The following CYREN variants were observed in gnomAD, a reference collection of about 807,000 sequenced individuals.
The protein encoded by CYREN is cell cycle regulator of non-homologous end joining.
Under a neutral mutation model 9.7 loss-of-function variants are expected in CYREN, and 7 were observed. The observed-to-expected ratio is 0.72, with a 90% CI of 0.41 to 1.36. The LOEUF is 1.36. Ranked by LOEUF, CYREN falls within the 40% of genes most tolerant of loss-of-function variation. The probability of loss-of-function intolerance (pLI) is 0.01; values close to 1 mark genes in which losing one functional copy is unlikely to be tolerated. For missense variants in CYREN, 215 were observed against 198.1 expected (o/e 1.09, Z -0.51); for synonymous variants, 76 against 77.9 (o/e 0.98, Z 0.13).
At chr7:135,116,794 T>C (rs1383976050) in intron 2 of CYREN, among the ~76,000 whole-genome samples, 2 of 152,138 alleles carry the variant, frequency 1.3e-5, no homozygotes, top group Non-Finnish European at 2.9e-5. Flanking sequence ...TTGGCTGGAG[T>C]ACAGTGGTTA....
chr7:135,162,417 G>A (rs1036120928), downstream of CYREN, among the ~76,000 whole-genome samples: 5 of 152,198 alleles, frequency 3.3e-5, no homozygotes, highest in African/African-American at 1.2e-4. Context: ...GGTGAATGCT[G>A]TTGTATTAGT....
chr7:135,161,766 G>A (rs554668984), downstream of CYREN, among the ~76,000 whole-genome samples: 35 of 152,066 alleles, frequency 2.3e-4, no homozygotes, highest in Non-Finnish European at 4.3e-4. The surrounding 1 kb of genome is among the most constrained non-coding windows in gnomAD (Gnocchi z 4.1). Flanking sequence ...TGGCCCTCTG[G>A]GACCTCCAGA....
chr7:135,106,074 G>A (rs982455008), intron 2 of CYREN, among the ~76,000 whole-genome samples: 7 of 152,082 alleles, frequency 4.6e-5, no homozygotes, highest in African/African-American at 1.7e-4. Context: ...AGTGATTTTT[G>A]TACATTGATT....
At chr7:135,169,732 G>A (rs1241499476) in intron 1 of CYREN, among the ~76,000 whole-genome samples, 1 of 152,128 alleles carries the variant, frequency 6.6e-6, no homozygotes, top group Admixed American at 6.5e-5. Flanking sequence ...CCAGAGAGAT[G>A]GAGTTGTGAC....
downstream of CYREN, chr7:135,164,700 G>A (rs201066731): frequency 1.1e-5 from 18 of 1,614,230 alleles, no homozygotes; most frequent in South Asian, 6.6e-5. Context: ...CAGGCTTGGC[G>A]TGTACGGGTC....
chr7:135,135,380 T>C (rs903593444), intron 2 of CYREN: 1 of 844,544 alleles, frequency 1.2e-6, no homozygotes, highest in East Asian at 2.9e-5. Context: ...TACACATGCA[T>C]ATGCATAAAC....
chr7:135,147,688 C>G lies in CYREN; in HGVS notation n.356+21061G>C, dbSNP rs758545151. On this transcript the variant is annotated intron_variant and non_coding_transcript_variant, in intron 2 of 2. Transcript: ENST00000459937. Reference sequence around the variant, plus strand: ...AGGGGTTGGGGGACAGACGGCATAGCTGCTTCCCAAGGAAATGAGTAGGAG... The same window carrying G: ...AGGGGTTGGGGGACAGACGGCATAGGTGCTTCCCAAGGAAATGAGTAGGAG... 5.2e-5 allele frequency: 23 copies of G among 440,718 alleles called. 1 individual carries two copies. The highest frequency in any genetic ancestry group is 1.0e-4 in the Non-Finnish European group (23 of 219,466). The allele number at this position is 440,718 out of a possible 1,614,324, so 27.3% of individuals were successfully genotyped here.
chr7:135,107,108 T>C (rs1824842122), intron 2 of CYREN, among the ~76,000 whole-genome samples: 1 of 152,068 alleles, frequency 6.6e-6, no homozygotes, highest in Non-Finnish European at 1.5e-5. Context: ...CTTTTCTTCT[T>C]TATTAGTCTA....
chr7:135,166,883 G>C lies in CYREN; in HGVS notation c.214-12C>G. Reference sequence around the variant, plus strand: ...TCCTGTTTGCGGCTCTGTGGAGTACGGGAAAACGCAGGCTCAACATACGTG... The same window carrying C: ...TCCTGTTTGCGGCTCTGTGGAGTACCGGAAAACGCAGGCTCAACATACGTG... On this transcript the variant is annotated splice_polypyrimidine_tract_variant and intron_variant, in intron 3 of 3. Transcript: ENST00000393114. 1 of 1,609,072 alleles carries C rather than the reference G, an allele frequency of 6.2e-7. No homozygotes were observed. Among genetic ancestry groups the C allele is most frequent in the Non-Finnish European group, 8.5e-7 (1 of 1,176,282 alleles).
chr7:135,148,389 T>C, intron 2 of CYREN: 2 of 316,478 alleles, frequency 6.3e-6, no homozygotes, highest in South Asian at 5.3e-5. Flanking sequence ...AACTCACTGG[T>C]TGTTCAGTAT....
rs1050291388 is a variant in CYREN, at chr7:135,165,825, G to A, written c.*786C>T. The A allele has an allele frequency of 6.0e-6, 1 of 167,216 alleles. No homozygotes were observed. The highest frequency in any genetic ancestry group is 3.4e-3 in the Middle Eastern group (1 of 296). 10.4% of individuals were successfully genotyped at this position (167,216 alleles called of 1,614,324 possible). On this transcript the variant is annotated 3_prime_UTR_variant, in exon 4 of 4. Coordinates refer to ENST00000393114, the MANE Select transcript of CYREN (RefSeq NM_024033.4). ...TGTATTTTCTAGCACTTGTGTATTG[G>A]AAAACCTGTATGGCAGTGATTTATT...
chr7:135,153,796 T>A (rs1316158682), intron 2 of CYREN, among the ~76,000 whole-genome samples: 1 of 152,208 alleles, frequency 6.6e-6, no homozygotes, highest in Non-Finnish European at 1.5e-5. Flanking sequence ...TTGGTCTGTG[T>A]TTTCATTTTC....
At chr7:135,118,682 C>T (rs944188265) in intron 2 of CYREN, among the ~76,000 whole-genome samples, 1 of 152,034 alleles carries the variant, frequency 6.6e-6, no homozygotes, top group Admixed American at 6.5e-5. Context: ...TTAGTAGACA[C>T]AAACACTGAG....
At chr7:135,142,801 GA>G (rs199673705) in intron 2 of CYREN, among the ~76,000 whole-genome samples, 5,630 of 150,884 alleles carry the variant, frequency 0.037, 332 homozygotes, top group African/African-American at 0.13. Context: ...AAACTCTGAT[GA>G]AAAAAAAACT....
intron 2 of CYREN, among the ~76,000 whole-genome samples, chr7:135,114,738 C>T (rs987123979): frequency 2.0e-5 from 3 of 152,158 alleles, no homozygotes; most frequent in Non-Finnish European, 2.9e-5. Flanking sequence ...AAGAGATCTC[C>T]CTGTTTGTTC....
At chr7:135,167,656 A>T in intron 3 of CYREN, 76 bp downstream of exon 3, 1 of 1,590,550 alleles carries the variant, frequency 6.3e-7, no homozygotes. Flanking sequence ...CGTCTCTCTT[A>T]CTGACGGTGA....
chr7:135,165,856 A>G lies in CYREN; in HGVS notation c.*755T>C, dbSNP rs565014281. 1 of 167,230 alleles carries G rather than the reference A, an allele frequency of 6.0e-6. No individual in the cohort carries two copies. The highest frequency in any genetic ancestry group is 1.5e-5 in the Non-Finnish European group (1 of 68,122). The allele number at this position is 167,230 out of a possible 1,614,324, so 10.4% of individuals were successfully genotyped here. A position where few individuals can be genotyped will look rare whatever the true frequency, so the allele number is the denominator to read the frequency against. Reference sequence around the variant, plus strand: ...CTGTATGGCAGTGATTTATTCATATATTCCTGTCCAAAGCCACACTGAAAA... The same window carrying G: ...CTGTATGGCAGTGATTTATTCATATGTTCCTGTCCAAAGCCACACTGAAAA... On this transcript the variant is annotated 3_prime_UTR_variant, in exon 4 of 4. Coordinates refer to ENST00000393114, the MANE Select transcript of CYREN (RefSeq NM_024033.4).
At chr7:135,093,036 T>TAAAAA in exon 3 of CYREN, 1 of 146,374 alleles carries the variant, frequency 6.8e-6, no homozygotes, top group Non-Finnish European at 1.5e-5. Context: ...CTTCCTCTAC[T>TAAAAA]AAAAAAAAAA....
intron 2 of CYREN, among the ~76,000 whole-genome samples, chr7:135,126,450 A>C (rs529649710): frequency 3.3e-5 from 5 of 152,244 alleles, no homozygotes; most frequent in Admixed American, 6.5e-5. Context: ...TATCATGAAA[A>C]TGGCAGTACT....
Sources: allele counts gnomAD v4.1 joint callset (sites outside exome capture counted in the v4.1 genomes callset), GRCh38; gene constraint gnomAD v4.1.1; non-coding constraint Gnocchi (gnomAD v3.1); transcripts MANE v1.5; gene names NCBI Gene and HGNC (gene_info 2026-07-23, HGNC 2026-07-21).